The following TOX2 variants were observed in gnomAD, a reference collection of about 807,000 sequenced individuals.
TOX2 encodes TOX high mobility group box family member 2, also known as granulosa cell HMG box 1.
TOX2 carries 15 observed loss-of-function variants against 47.4 expected under a neutral mutation model. That is an observed-to-expected ratio of 0.32 (90% CI 0.21 to 0.49). The LOEUF (loss-of-function observed/expected upper bound fraction) is 0.49, where lower values mean the gene tolerates loss of function less well. Among genes scored for constraint, TOX2 ranks in the 20% least tolerant of loss-of-function variants. The probability of loss-of-function intolerance (pLI) is 0.99; values close to 1 mark genes in which losing one functional copy is unlikely to be tolerated. For synonymous variants in TOX2, 290 were observed against 296.6 expected (o/e 0.98, Z 0.23); for missense variants, 622 against 673.1 (o/e 0.92, Z 0.84).
intron 3 of TOX2, among the ~76,000 whole-genome samples, chr20:44,019,012 C>T (rs1466046112): frequency 2.6e-5 from 4 of 152,194 alleles, no homozygotes; most frequent in South Asian, 2.1e-4. Context: ...GGGAATCAAA[C>T]GTGCCAATGA....
rs74401638 is a variant in TOX2 at position 43,949,796 on chromosome 20, G to A, written c.100-23571G>A. Among the ~76,000 whole-genome samples the A allele has an allele frequency of 3.8e-3, 580 of 152,230 alleles. 5 individuals carry two copies. Among genetic ancestry groups the A allele is most frequent in the African/African-American group, 0.013 (534 of 41,544 alleles). On this transcript the variant is annotated intron_variant, in intron 1 of 8. Transcript: ENST00000341197. ...AGCCAGGGTCCCCTTCCCTGTGCCCGCTTCTGTCATTGTCCTCCCCATCAG... is the reference window on the plus strand; with the variant it reads ...AGCCAGGGTCCCCTTCCCTGTGCCCACTTCTGTCATTGTCCTCCCCATCAG...
At chr20:43,962,094 A>T (rs2069770301) in intron 1 of TOX2, among the ~76,000 whole-genome samples, 1 of 152,248 alleles carries the variant, frequency 6.6e-6, no homozygotes, top group Non-Finnish European at 1.5e-5. Flanking sequence ...CGGGGATGGG[A>T]GAGAGCTCCA....
intron 2 of TOX2, among the ~76,000 whole-genome samples, chr20:43,975,833 G>A (rs934377733): frequency 1.3e-5 from 2 of 152,104 alleles, no homozygotes; most frequent in Non-Finnish European, 2.9e-5. Flanking sequence ...CCAATGCTGT[G>A]TATCCCAGTG....
chr20:43,982,426 A>T lies in TOX2; in HGVS notation c.165+8994A>T, dbSNP rs137880106. Among the ~76,000 whole-genome samples, 7 of 152,314 alleles carry T rather than the reference A, an allele frequency of 4.6e-5. No individual in the cohort carries two copies. The East Asian group carries it at 1.4e-3, about 29-fold the overall frequency. ...TCAAAAGAGACTAATGTAAAGGATC[A>T]GGGAATCTAAGCTGCTTTTAGAGAG... On this transcript the variant is annotated intron_variant, in intron 2 of 8. Coordinates refer to ENST00000341197, the MANE Select transcript of TOX2 (RefSeq NM_001098797.2).
intron 3 of TOX2, among the ~76,000 whole-genome samples, chr20:44,043,794 C>G (rs535561863): frequency 1.3e-5 from 2 of 152,046 alleles, no homozygotes; most frequent in Admixed American, 6.5e-5. Context: ...TTATTTAAGT[C>G]GTGATTAATG....
intron 3 of TOX2, among the ~76,000 whole-genome samples, chr20:44,023,952 C>T (rs927139729): frequency 6.6e-6 from 1 of 152,134 alleles, no homozygotes; most frequent in African/African-American, 2.4e-5. Flanking sequence ...CAGCCACATC[C>T]CCTCTCCCTT....
rs11470819 is a variant in TOX2, at chr20:44,046,852, CCT to C, written c.412-4453_412-4452del. Among the ~76,000 whole-genome samples the C allele has an allele frequency of 8.3e-4, 126 of 152,260 alleles. 1 individual carries two copies. Among genetic ancestry groups the C allele is most frequent in the African/African-American group, 2.8e-3 (118 of 41,546 alleles). ...GACACAATAGTCTGTATACCAAACC[CCT>C]GTGACATGCAATTTGTCTCTATAAC... On this transcript the variant is annotated intron_variant, in intron 3 of 8. Coordinates refer to ENST00000341197, the MANE Select transcript of TOX2 (RefSeq NM_001098797.2).
intron 1 of TOX2, among the ~76,000 whole-genome samples, chr20:43,944,128 G>GTT (rs1319392429): frequency 6.6e-6 from 1 of 152,188 alleles, no homozygotes; most frequent in African/African-American, 2.4e-5. Context: ...CTTGAGACGA[G>GTT]TGTCATGTGC....
chr20:43,936,487 C>T (rs534729358), intron 1 of TOX2, among the ~76,000 whole-genome samples: 1 of 152,360 alleles, frequency 6.6e-6, no homozygotes, highest in South Asian at 2.1e-4. Context: ...GTTGTCTCTA[C>T]AGGCTCTCCC....
rs773477485 is a variant in TOX2 at position 44,068,700 on chromosome 20, C to T, written c.*14C>T. 1 of 1,614,072 alleles carries T rather than the reference C, an allele frequency of 6.2e-7. No homozygotes were observed. The highest frequency in any genetic ancestry group is 2.2e-5 in the East Asian group (1 of 44,862). On this transcript the variant is annotated 3_prime_UTR_variant, in exon 9 of 9. Transcript: ENST00000341197. ...TACCTCACCTAATCCCGCCTCCCTA[C>T]CATCCCTGAGGCTCGCTGGAAGGCA... is the stretch of plus-strand genomic sequence containing the variant.
At chr20:44,053,823 A>G (rs1306730817) in intron 4 of TOX2, among the ~76,000 whole-genome samples, 3 of 152,038 alleles carry the variant, frequency 2.0e-5, no homozygotes, top group Admixed American at 1.3e-4. Context: ...ACAACTCTGT[A>G]AAAGAAGATG....
intron 1 of TOX2, among the ~76,000 whole-genome samples, chr20:43,919,070 T>G (rs2145827522): frequency 6.6e-6 from 1 of 152,334 alleles, no homozygotes; most frequent in South Asian, 2.1e-4. Flanking sequence ...AAGGCCAACC[T>G]GGGTACCACC....
At position 44,065,949 on chromosome 20, in the gene TOX2, C is replaced by A. The variant is rs2071810453; in HGVS notation, c.1198C>A (p.Pro400Thr). ...GCCGCCACCCTCCTTCCCGCTCAGC[C>A]CCACACTGCACCAGCAGCTGTCACT... The part of the protein sequence containing the change: ...PPPPPSFPLS[P>T]TLHQQLSLPP... The change falls in exon 7 of 9, where the codon CCC becomes ACC. Residue 400 changes from proline (P) to threonine (T), a missense_variant. Physicochemically the swap from Pro to Thr is conservative, Grantham distance 38. Transcript: ENST00000341197. The A allele has an allele frequency of 6.2e-7, 1 of 1,613,338 alleles. No individual in the cohort carries two copies.
intron 2 of TOX2, among the ~76,000 whole-genome samples, chr20:43,985,386 G>A (rs117719651): frequency 0.014 from 2,057 of 152,262 alleles, 26 homozygotes; most frequent in Non-Finnish European, 0.023. Context: ...TCACATTTCA[G>A]CCCACCAGGC....
intron 2 of TOX2, among the ~76,000 whole-genome samples, chr20:43,998,908 C>T (rs188621421): frequency 1.2e-3 from 181 of 152,184 alleles, no homozygotes; most frequent in African/African-American, 4.1e-3. Flanking sequence ...TACAGGCACT[C>T]GCCACCATGT....
At chr20:43,949,229 C>A (rs560928575) in intron 1 of TOX2, among the ~76,000 whole-genome samples, 13 of 152,368 alleles carry the variant, frequency 8.5e-5, no homozygotes, top group Non-Finnish European at 1.5e-4. Flanking sequence ...CTGCCTTACT[C>A]CTTGCATCTA....
chr20:43,973,191 C>G (rs1425263690), intron 1 of TOX2, among the ~76,000 whole-genome samples, 176 bp from the exon 2 acceptor site: 1 of 152,240 alleles, frequency 6.6e-6, no homozygotes, highest in Non-Finnish European at 1.5e-5. Context: ...GCTGCTCCTT[C>G]CACCCTAGAG....
intron 1 of TOX2, among the ~76,000 whole-genome samples, chr20:43,948,745 G>T (rs2069511121): frequency 1.3e-5 from 2 of 152,346 alleles, no homozygotes; most frequent in South Asian, 4.1e-4. Flanking sequence ...GCAAAGGGAG[G>T]CATGAAATAT....
At chr20:44,011,035 C>G (rs955718604) in intron 3 of TOX2, among the ~76,000 whole-genome samples, 7 of 152,116 alleles carry the variant, frequency 4.6e-5, no homozygotes, top group Non-Finnish European at 1.0e-4. Context: ...TCATTCTGAT[C>G]TCTGCCTCCA....
Sources: allele counts gnomAD v4.1 joint callset (sites outside exome capture counted in the v4.1 genomes callset), GRCh38; gene constraint gnomAD v4.1.1; transcripts MANE v1.5; gene names NCBI Gene and HGNC (gene_info 2026-07-23, HGNC 2026-07-21).